The following BMPR2 variants were observed in gnomAD, a reference collection of about 807,000 sequenced individuals.
BMPR2 encodes bone morphogenetic protein receptor type-2.
In BMPR2, 29 loss-of-function variants were observed where a neutral mutation model predicts 100.8. The observed-to-expected ratio is 0.29, with a 90% CI of 0.21 to 0.39. BMPR2 has a LOEUF of 0.39. Among genes scored for constraint, BMPR2 ranks in the 10% least tolerant of loss-of-function variants. BMPR2 has a pLI of 1.00. For missense variants in BMPR2, 1,011 were observed against 1,274.5 expected, an observed-to-expected ratio of 0.79 and a Z score of 3.15; for synonymous variants, 382 against 442.3, an observed-to-expected ratio of 0.86 and a Z score of 1.71.
intron 1 of BMPR2, among the ~76,000 whole-genome samples, chr2:202,407,902 C>G (rs1023325587): frequency 6.6e-6 from 1 of 150,628 alleles, no homozygotes; most frequent in Non-Finnish European, 1.5e-5. Context: ...GGCGTGATCT[C>G]GGCTCACTGC....
At position 202,555,424 on chromosome 2, in the gene BMPR2, A is replaced by G; in HGVS notation, c.1759A>G (p.Ile587Val). The G allele has an allele frequency of 1.2e-6, 2 of 1,614,222 alleles. No homozygotes were observed. The highest frequency in any genetic ancestry group is 1.7e-6 in the Non-Finnish European group (2 of 1,180,040). The change falls in exon 12 of 13, where the codon ATT (isoleucine) becomes GTT (valine). Residue 587 changes from isoleucine to valine, a missense_variant. Physicochemically the swap from Ile to Val is conservative, Grantham distance 29. Transcript: ENST00000374580. ...LTIGEKNRNS[I>V]NYERQQAQAR... ...TATAGGGGAAAAAAACCGAAATTCA[A>G]TTAACTATGAACGACAGCAAGCACA...
intron 3 of BMPR2, among the ~76,000 whole-genome samples, chr2:202,480,755 C>A (rs1184915175): frequency 6.6e-6 from 1 of 151,620 alleles, no homozygotes; most frequent in Non-Finnish European, 1.5e-5. Flanking sequence ...AGATCAAGAC[C>A]ATCCTGGCTG....
At chr2:202,433,597 T>C (rs1691549196) in intron 1 of BMPR2, among the ~76,000 whole-genome samples, 1 of 150,672 alleles carries the variant, frequency 6.6e-6, no homozygotes, top group Non-Finnish European at 1.5e-5. Context: ...GTTTTACAAA[T>C]GGATAACTCG....
rs1489014000 is a variant in BMPR2 at position 202,417,388 on chromosome 2, C to T, written c.76+39838C>T. ...CACGATCTCGGCTCACCGCAGCCTC[C>T]GCCTTCCGGGTTCGAGCGATTCTCC... On this transcript the variant is annotated intron_variant, in intron 1 of 12. Transcript: ENST00000374580. Among the ~76,000 whole-genome samples the T allele has an allele frequency of 5.3e-5, 8 of 151,294 alleles. No homozygotes were observed. In the South Asian group the frequency reaches 8.4e-4, roughly 16 times the overall value.
At chr2:202,482,485 TG>T (rs1692678675) in intron 3 of BMPR2, among the ~76,000 whole-genome samples, 2 of 152,116 alleles carry the variant, frequency 1.3e-5, no homozygotes, top group African/African-American at 4.8e-5. Flanking sequence ...ATGATCCTCC[TG>T]CCTCAGCCTC....
chr2:202,519,362 C>CA (rs1379443079), intron 6 of BMPR2, among the ~76,000 whole-genome samples: 1 of 151,204 alleles, frequency 6.6e-6, no homozygotes, highest in Non-Finnish European at 1.5e-5. Context: ...GACGCAATCT[C>CA]AAAAAATAAA....
intron 1 of BMPR2, among the ~76,000 whole-genome samples, chr2:202,388,385 A>T (rs1383215286): frequency 8.4e-6 from 1 of 118,552 alleles, no homozygotes; most frequent in Non-Finnish European, 1.7e-5. Flanking sequence ...TGACAGAGCG[A>T]GACTCCATCT....
chr2:202,483,655 T>A (rs548776778), intron 3 of BMPR2, among the ~76,000 whole-genome samples: 1 of 152,260 alleles, frequency 6.6e-6, no homozygotes, highest in Admixed American at 6.5e-5. Flanking sequence ...CACCTAGGCC[T>A]CCCAAAGTGC....
chr2:202,556,951 C>T (rs770999551), intron 12 of BMPR2, among the ~76,000 whole-genome samples: 12 of 151,254 alleles, frequency 7.9e-5, no homozygotes, highest in Non-Finnish European at 1.3e-4. Flanking sequence ...GGCGTGGTGG[C>T]GTGCACCTGT....
intron 1 of BMPR2, among the ~76,000 whole-genome samples, chr2:202,407,402 C>T (rs1224190583): frequency 2.0e-5 from 3 of 152,028 alleles, no homozygotes; most frequent in Non-Finnish European, 2.9e-5. Context: ...ATTCTTCATG[C>T]GTATATTTGT....
intron 1 of BMPR2, among the ~76,000 whole-genome samples, chr2:202,439,895 G>A (rs528349339): frequency 2.7e-5 from 4 of 150,218 alleles, no homozygotes; most frequent in Admixed American, 6.6e-5. Context: ...AGGACCCTGC[G>A]GCCTTCCGCA....
intron 9 of BMPR2, among the ~76,000 whole-genome samples, chr2:202,536,481 A>G (rs1029814709): frequency 1.3e-5 from 2 of 152,220 alleles, no homozygotes; most frequent in East Asian, 1.9e-4. Flanking sequence ...GTACAGGTTA[A>G]TCAGTTATCT....
At chr2:202,551,862 ATTTTT>A (rs35621004) in intron 10 of BMPR2, among the ~76,000 whole-genome samples, 1 of 130,382 alleles carries the variant, frequency 7.7e-6, no homozygotes, top group Non-Finnish European at 1.6e-5. Flanking sequence ...ATGCTGGCTA[ATTTTT>A]TTTTTTTTTT....
intron 1 of BMPR2, among the ~76,000 whole-genome samples, chr2:202,409,609 G>A (rs1460885855): frequency 2.0e-5 from 3 of 152,014 alleles, no homozygotes; most frequent in African/African-American, 7.2e-5. Flanking sequence ...CGAAACAAAC[G>A]AATCATGCAG....
intron 1 of BMPR2, among the ~76,000 whole-genome samples, chr2:202,405,252 T>G (rs976910049): frequency 1.3e-5 from 2 of 152,224 alleles, no homozygotes; most frequent in South Asian, 4.1e-4. Flanking sequence ...TAGAACTGTT[T>G]AACTGTTCCA....
rs570883668 is a variant in BMPR2, at chr2:202,545,960, C to T, written c.1413+3513C>T. On this transcript the variant is annotated intron_variant, in intron 10 of 12. Transcript: ENST00000374580. ...TGTGAAATTTTATTCTAGTAAAATA[C>T]AACTTCATCTTCCTTAAATTGTTTT... Among the ~76,000 whole-genome samples the T allele has an allele frequency of 2.0e-5, 3 of 152,278 alleles. No homozygotes were observed. In the East Asian group the frequency reaches 5.8e-4, roughly 29 times the overall value.
rs184101192 is a variant in BMPR2 at position 202,496,073 on chromosome 2, T to C, written c.419-17646T>C. On this transcript the variant is annotated intron_variant, in intron 3 of 12. Transcript: ENST00000374580. ...AACTCAAAAAAGTAGAGTGAACAGA[T>C]GGAACCTACTCTATGATTAAAATGC... is the stretch of plus-strand genomic sequence containing the variant. Among the ~76,000 whole-genome samples, 471 of 152,328 alleles carry C rather than the reference T, an allele frequency of 3.1e-3. 2 individuals are homozygous for C. The highest frequency in any genetic ancestry group is 4.9e-3 in the Non-Finnish European group (333 of 68,016).
At chr2:202,452,946 A>T (rs1349077316) in intron 1 of BMPR2, among the ~76,000 whole-genome samples, 1 of 152,206 alleles carries the variant, frequency 6.6e-6, no homozygotes, top group African/African-American at 2.4e-5. Context: ...AGGAACAGAA[A>T]GTAAATAAAT....
intron 3 of BMPR2, among the ~76,000 whole-genome samples, chr2:202,496,052 C>G (rs1029756590): frequency 1.3e-5 from 2 of 152,078 alleles, no homozygotes; most frequent in Admixed American, 1.3e-4. Context: ...TAGGACAACT[C>G]AAAAAAGTAG....
Sources: gnomAD v4.1 joint callset for allele counts (sites outside exome capture counted in the v4.1 genomes callset) on GRCh38, gnomAD v4.1.1 for gene constraint, MANE v1.5 for transcripts, NCBI Gene and HGNC (gene_info 2026-07-23, HGNC 2026-07-21) for gene names.